Variants in PDE7B observed in about 807,000 individuals in gnomAD.
The protein encoded by PDE7B is 3',5'-cyclic-AMP phosphodiesterase 7B.
In PDE7B, 29 loss-of-function variants were observed where a neutral mutation model predicts 56.2. That is an observed-to-expected ratio of 0.52 (90% CI 0.38 to 0.70). The LOEUF (loss-of-function observed/expected upper bound fraction) is 0.70. PDE7B is among the 30% of genes least tolerant of loss of function. PDE7B has a pLI of 0.00. For synonymous variants in PDE7B, 197 were observed against 196.9 expected, an observed-to-expected ratio of 1.00 and a Z score of 0.00; for missense variants, 490 against 565.0, an observed-to-expected ratio of 0.87 and a Z score of 1.35.
At chr6:136,050,932 G>A (rs906213087) in intron 2 of PDE7B, among the ~76,000 whole-genome samples, 1 of 151,784 alleles carries the variant, frequency 6.6e-6, no homozygotes, top group African/African-American at 2.4e-5. Context: ...CCTCTCAGAC[G>A]CTTCCCAGGC....
In PDE7B at chr6:135,971,338, G is replaced by A. The variant is rs574697608; in HGVS notation, c.82+23814G>A. ...CCAATATCTTGATCTTAGACTTCTA[G>A]CCTTCCCGAACTGTGAGAAAATAAA... On this transcript the variant is annotated intron_variant, in intron 2 of 12. Transcript: ENST00000308191. 5.9e-5 allele frequency among the ~76,000 whole-genome samples: 9 copies of A among 152,288 alleles called. No individual in the cohort carries two copies. In the South Asian group the frequency reaches 1.9e-3, roughly 32 times the overall value.
intron 1 of PDE7B, among the ~76,000 whole-genome samples, chr6:135,885,017 T>C (rs559468638): frequency 6.6e-6 from 1 of 152,180 alleles, no homozygotes; most frequent in East Asian, 1.9e-4. Context: ...GCCAGGGGGA[T>C]TTCCATGCCG....
At chr6:135,975,154 T>C (rs1775162432) in intron 2 of PDE7B, among the ~76,000 whole-genome samples, 1 of 151,772 alleles carries the variant, frequency 6.6e-6, no homozygotes, top group Non-Finnish European at 1.5e-5. Flanking sequence ...TTTTGTTTTG[T>C]TTTTTGTTTT....
At chr6:135,939,395 C>T (rs1300818404) in intron 1 of PDE7B, among the ~76,000 whole-genome samples, 1 of 152,154 alleles carries the variant, frequency 6.6e-6, no homozygotes, top group Non-Finnish European at 1.5e-5. Flanking sequence ...TGCTGGAGAT[C>T]TGCACTGACA....
At chr6:136,165,108 T>C (rs1778772321) in intron 8 of PDE7B, among the ~76,000 whole-genome samples, 1 of 152,216 alleles carries the variant, frequency 6.6e-6, no homozygotes, top group Non-Finnish European at 1.5e-5. Context: ...CACTGACATG[T>C]GGGAGCAAGG....
intron 2 of PDE7B, among the ~76,000 whole-genome samples, chr6:136,062,638 T>C (rs73564650): frequency 0.024 from 3,624 of 152,212 alleles, 134 homozygotes; most frequent in African/African-American, 0.081. Flanking sequence ...AGGTACCAAG[T>C]AAACAAGATG....
chr6:136,186,622 G>A (rs983199550), intron 11 of PDE7B, among the ~76,000 whole-genome samples: 6 of 152,130 alleles, frequency 3.9e-5, no homozygotes, highest in South Asian at 4.1e-4. Context: ...GTTGTCCTCA[G>A]GTGAAACAAG....
chr6:135,923,185 A>G, intron 1 of PDE7B, among the ~76,000 whole-genome samples: 1 of 152,232 alleles, frequency 6.6e-6, no homozygotes, highest in East Asian at 1.9e-4. Flanking sequence ...CTTTTGTCAC[A>G]CAAAATAGAA....
At chr6:135,982,999 T>G (rs945149374) in intron 2 of PDE7B, among the ~76,000 whole-genome samples, 1 of 152,218 alleles carries the variant, frequency 6.6e-6, no homozygotes, top group Non-Finnish European at 1.5e-5. Flanking sequence ...AGTGATCTGA[T>G]GAGCACCATT....
At chr6:136,172,810 T>A (rs1032654364) in intron 8 of PDE7B, among the ~76,000 whole-genome samples, 4 of 152,200 alleles carry the variant, frequency 2.6e-5, no homozygotes, top group Non-Finnish European at 5.9e-5. Context: ...TTAATTTTTG[T>A]ATAAGGTGTA....
In PDE7B at chr6:135,940,214, A is replaced by T. The variant is rs139020528; in HGVS notation, c.22-7250A>T. Among the ~76,000 whole-genome samples the T allele has an allele frequency of 7.9e-5, 12 of 152,304 alleles. No individual in the cohort carries two copies. In the East Asian group the frequency reaches 2.3e-3, roughly 29 times the overall value. On this transcript the variant is annotated intron_variant, in intron 1 of 12. Coordinates refer to ENST00000308191, the MANE Select transcript of PDE7B (RefSeq NM_018945.4). ...TGCCCAGACAGCTACCTATGCCTAGAGGAGTCCTCTCTTTTACCAGATAAC... is the reference window on the plus strand; with the variant it reads ...TGCCCAGACAGCTACCTATGCCTAGTGGAGTCCTCTCTTTTACCAGATAAC...
chr6:135,907,016 A>AATGACATGGCATGGC (rs1410401383), intron 1 of PDE7B, among the ~76,000 whole-genome samples: 1 of 151,812 alleles, frequency 6.6e-6, no homozygotes, highest in African/African-American at 2.4e-5. Flanking sequence ...AAATCTCTGA[A>AATGACATGGCATGGC]ATGACATGGC....
intron 1 of PDE7B, among the ~76,000 whole-genome samples, chr6:135,903,943 C>G (rs1776050968): frequency 1.3e-5 from 2 of 152,106 alleles, no homozygotes; most frequent in South Asian, 4.1e-4. Flanking sequence ...TTTTCCAAAG[C>G]AAAATGCAAT....
At position 136,133,412 on chromosome 6, in the gene PDE7B, A is replaced by G. The variant is rs989589768; in HGVS notation, c.167-13939A>G. On this transcript the variant is annotated intron_variant, in intron 3 of 12. Coordinates refer to ENST00000308191, the MANE Select transcript of PDE7B (RefSeq NM_018945.4). ...ACTTATAATCATTTAGGAAAATCCA[A>G]CAAATTCAGAAAAGAAATAGAGGTT... 5.9e-5 allele frequency among the ~76,000 whole-genome samples: 9 copies of G among 152,154 alleles called. No individual in the cohort carries two copies. In the East Asian group the frequency reaches 1.2e-3, roughly 20 times the overall value.
At chr6:135,995,195 C>A (rs1368977250) in intron 2 of PDE7B, among the ~76,000 whole-genome samples, 1 of 151,874 alleles carries the variant, frequency 6.6e-6, no homozygotes, top group Non-Finnish European at 1.5e-5. Context: ...TGTCCCAAAC[C>A]TTAACCCTCC....
chr6:136,123,489 G>T (rs1777972482), intron 3 of PDE7B, among the ~76,000 whole-genome samples: 1 of 152,154 alleles, frequency 6.6e-6, no homozygotes, highest in South Asian at 2.1e-4. Flanking sequence ...CAGGCAAATA[G>T]ATTATAACAT....
In PDE7B at chr6:136,137,518, C is replaced by G. The variant is rs552076463; in HGVS notation, c.167-9833C>G. Among the ~76,000 whole-genome samples the G allele has an allele frequency of 2.0e-5, 3 of 152,168 alleles. No homozygotes were observed. The East Asian group carries it at 5.8e-4, about 29-fold the overall frequency. On this transcript the variant is annotated intron_variant, in intron 3 of 12. Coordinates refer to ENST00000308191, the MANE Select transcript of PDE7B (RefSeq NM_018945.4). ...AGGCTTTCTTTGTTCTCAGTATCACCCTAGCTACTTCTGCACCAGTTAGTC... is the reference window on the plus strand; with the variant it reads ...AGGCTTTCTTTGTTCTCAGTATCACGCTAGCTACTTCTGCACCAGTTAGTC...
At chr6:136,023,176 A>C (rs1776101083) in intron 2 of PDE7B, among the ~76,000 whole-genome samples, 1 of 152,190 alleles carries the variant, frequency 6.6e-6, no homozygotes. Context: ...TTGGGTACAC[A>C]GTCACTTATT....
intron 8 of PDE7B, among the ~76,000 whole-genome samples, chr6:136,169,118 T>C (rs1778842655): frequency 2.0e-5 from 3 of 152,070 alleles, no homozygotes; most frequent in Admixed American, 1.3e-4. Context: ...TTATGACCTA[T>C]GAATTCATGA....
Sources: gnomAD v4.1 joint callset for allele counts (sites outside exome capture counted in the v4.1 genomes callset) on GRCh38, gnomAD v4.1.1 for gene constraint, MANE v1.5 for transcripts, NCBI Gene and HGNC (gene_info 2026-07-23, HGNC 2026-07-21) for gene names.